Variants in ADCK1 observed in about 807,000 individuals in gnomAD.
The protein encoded by ADCK1 is aarF domain containing kinase 1.
A neutral mutation model predicts 52.3 loss-of-function variants in ADCK1; 41 were observed. That is an observed-to-expected ratio of 0.78 (90% confidence interval 0.61 to 1.02). The LOEUF (loss-of-function observed/expected upper bound fraction) is 1.02. Among genes scored for constraint, ADCK1 ranks in the 50% least tolerant of loss-of-function variants. The pLI is 0.00. For missense variants in ADCK1, 658 were observed against 679.5 expected, an observed-to-expected ratio of 0.97 and a Z score of 0.35; for synonymous variants, 250 against 274.6, an observed-to-expected ratio of 0.91 and a Z score of 0.89.
intron 5 of ADCK1, among the ~76,000 whole-genome samples, chr14:77,889,156 G>A (rs2083226498): frequency 6.6e-6 from 1 of 152,228 alleles, no homozygotes; most frequent in African/African-American, 2.4e-5. Flanking sequence ...CCCCAGCCAT[G>A]TGGAACTGTG....
chr14:77,862,086 C>CTTA (rs1456455547), intron 4 of ADCK1, among the ~76,000 whole-genome samples: 1 of 152,174 alleles, frequency 6.6e-6, no homozygotes, highest in African/African-American at 2.4e-5. Flanking sequence ...CCCTACATAA[C>CTTA]AGCTTCTGTT....
At chr14:77,921,445 A>C (rs2140287412) in intron 7 of ADCK1, among the ~76,000 whole-genome samples, 1 of 151,966 alleles carries the variant, frequency 6.6e-6, no homozygotes, top group South Asian at 2.1e-4. Flanking sequence ...TTTGACATTG[A>C]ATCTCAAGGT....
intron 3 of ADCK1, among the ~76,000 whole-genome samples, chr14:77,826,278 T>G (rs1352594573): frequency 6.6e-6 from 1 of 152,174 alleles, no homozygotes; most frequent in East Asian, 1.9e-4. Context: ...CTCGTCAGTG[T>G]GGCTGATAAA....
At chr14:77,822,804 A>G (rs1052886334) in intron 3 of ADCK1, among the ~76,000 whole-genome samples, 2 of 152,260 alleles carry the variant, frequency 1.3e-5, no homozygotes, top group Non-Finnish European at 2.9e-5. Context: ...TCCTTCACAC[A>G]GAGGTTTCAG....
In ADCK1 at chr14:77,905,303, G is replaced by GTTTTTTTTTTTTTT. The variant is rs1566722295; in HGVS notation, c.742-2500_742-2499insTTTTTTTTTTTTTT. On this transcript the variant is annotated intron_variant, in intron 6 of 10. Transcript: ENST00000238561. ...TTCCACCTGTGACTCTTTCCTAGCT[G>GTTTTTTTTTTTTTT]GTTTTTTTTTTTTTTTTTTTTGAGA... Among the ~76,000 whole-genome samples, 6 of 65,370 alleles carry GTTTTTTTTTTTTTT rather than the reference G, an allele frequency of 9.2e-5. No homozygotes were observed. The South Asian group carries it at 1.2e-3, about 13-fold the overall frequency. The allele number at this position is 65,370 out of a possible 152,430, so 42.9% of individuals were successfully genotyped here.
At chr14:77,808,954 AT>A (rs1224954960) in intron 1 of ADCK1, among the ~76,000 whole-genome samples, 4 of 152,170 alleles carry the variant, frequency 2.6e-5, no homozygotes. Flanking sequence ...ATAAGACCCA[AT>A]CATTATCCAT....
At chr14:77,857,904 C>G (rs916042911) in intron 3 of ADCK1, among the ~76,000 whole-genome samples, 1 of 152,150 alleles carries the variant, frequency 6.6e-6, no homozygotes, top group African/African-American at 2.4e-5. Flanking sequence ...CTGCATGTGC[C>G]CATGGCCCCA....
chr14:77,865,781 TG>T (rs1267388542), intron 4 of ADCK1, among the ~76,000 whole-genome samples: 10 of 152,248 alleles, frequency 6.6e-5, no homozygotes. Flanking sequence ...TCTCTAAAAT[TG>T]GAATCATAAC....
At chr14:77,817,895 C>G (rs2081494108) in intron 1 of ADCK1, among the ~76,000 whole-genome samples, 1 of 112,076 alleles carries the variant, frequency 8.9e-6, no homozygotes. Flanking sequence ...GCCACCACGC[C>G]TGGCTAATTT....
chr14:77,926,702 C>CT (rs891970151), intron 9 of ADCK1, among the ~76,000 whole-genome samples: 6 of 152,150 alleles, frequency 3.9e-5, no homozygotes, highest in Non-Finnish European at 7.4e-5. Context: ...GCTAAAGCAG[C>CT]TTTTTTGTGG....
At chr14:77,899,699 C>T (rs1017057830) in intron 6 of ADCK1, among the ~76,000 whole-genome samples, 1 of 152,132 alleles carries the variant, frequency 6.6e-6, no homozygotes, top group Non-Finnish European at 1.5e-5. Context: ...CCTAGAAATA[C>T]TGCAGTTATG....
chr14:77,893,739 T>TCCTTCC (rs57365647), intron 5 of ADCK1, among the ~76,000 whole-genome samples: 20 of 108,130 alleles, frequency 1.8e-4, no homozygotes, highest in East Asian at 2.5e-4. Flanking sequence ...CTTCCTTCCT[T>TCCTTCC]TTTTTTTTTT....
chr14:77,862,301 C>T lies in ADCK1; in HGVS notation c.423+3022C>T, dbSNP rs748273251. ...TCCTCAAAAGTGACCTCGTTCTGGA[C>T]TGGGTCAGGGGTGGTCCCAGCCTTG... On this transcript the variant is annotated intron_variant, in intron 4 of 10. Transcript: ENST00000238561. Among the ~76,000 whole-genome samples the T allele has an allele frequency of 9.5e-4, 144 of 152,290 alleles. 1 individual carries two copies. Among genetic ancestry groups the T allele is most frequent in the Non-Finnish European group, 1.2e-3 (85 of 68,022 alleles).
intron 3 of ADCK1, among the ~76,000 whole-genome samples, chr14:77,838,474 G>C (rs1195287774): frequency 1.3e-5 from 2 of 152,102 alleles, no homozygotes; most frequent in African/African-American, 4.8e-5. Context: ...ATGGCTCACT[G>C]CAGCCTGGAC....
chr14:77,821,891 G>GAAAAA (rs35265585), intron 2 of ADCK1, among the ~76,000 whole-genome samples: 2 of 109,598 alleles, frequency 1.8e-5, no homozygotes, highest in African/African-American at 7.5e-5. Flanking sequence ...CTCTGTCTCA[G>GAAAAA]AAAAAAAAAA....
chr14:77,928,073 T>C (rs989271224), intron 9 of ADCK1, among the ~76,000 whole-genome samples: 1 of 151,952 alleles, frequency 6.6e-6, no homozygotes, highest in African/African-American at 2.4e-5. Context: ...GCAACAGAGA[T>C]GGAGAGAGGC....
At chr14:77,924,698 C>T (rs1042806899) in intron 8 of ADCK1, 92 bp downstream of exon 8, 36 of 1,518,550 alleles carry the variant, frequency 2.4e-5, no homozygotes, top group South Asian at 1.3e-4. Context: ...AGGGAGATAG[C>T]GAGGGTAGCT....
In ADCK1 at chr14:77,909,771, G is replaced by A. The variant is rs544474500; in HGVS notation, c.858+1852G>A. On this transcript the variant is annotated intron_variant, in intron 7 of 10. Transcript: ENST00000238561. ...GTTGATTTCCTTATATTATCTTTGG[G>A]CTCTGTTCTTTCTTTCTCCTTTTAC... 7.2e-5 allele frequency among the ~76,000 whole-genome samples: 11 copies of A among 152,258 alleles called. 1 individual carries two copies. Among genetic ancestry groups the A allele is most frequent in the African/African-American group, 1.2e-4 (5 of 41,530 alleles).
chr14:77,851,551 T>C (rs1165947509), intron 3 of ADCK1, among the ~76,000 whole-genome samples: 2 of 152,226 alleles, frequency 1.3e-5, no homozygotes, highest in African/African-American at 4.8e-5. Context: ...TCTTCATTCC[T>C]GTTTCCTTTA....
Sources: gnomAD v4.1 joint callset for allele counts (sites outside exome capture counted in the v4.1 genomes callset) on GRCh38, gnomAD v4.1.1 for gene constraint, MANE v1.5 for transcripts, NCBI Gene and HGNC (gene_info 2026-07-23, HGNC 2026-07-21) for gene names.